Variants in RALY observed in about 807,000 individuals in gnomAD.
RALY encodes RALY heterogeneous nuclear ribonucleoprotein.
In RALY, 15 loss-of-function variants were observed where a neutral mutation model predicts 30.7. The ratio of observed to expected loss-of-function variants is 0.49; its 90% CI spans 0.33 to 0.75. The LOEUF is 0.75. Among genes scored for constraint, RALY ranks in the 30% least tolerant of loss-of-function variants. The pLI is 0.02. For missense variants in RALY, 339 were observed against 414.3 expected, an observed-to-expected ratio of 0.82 and a Z score of 1.58; for synonymous variants, 177 against 170.8, an observed-to-expected ratio of 1.04 and a Z score of -0.28.
chr20:34,042,194 G>A (rs1470745497), intron 2 of RALY, among the ~76,000 whole-genome samples: 1 of 152,154 alleles, frequency 6.6e-6, no homozygotes, highest in East Asian at 1.9e-4. Context: ...TAGTAGCTCA[G>A]CCTCCCCACT....
chr20:34,077,165 G>A lies in RALY; in HGVS notation c.796G>A (p.Ala266Thr), dbSNP rs753545335. The A allele has an allele frequency of 2.5e-6, 4 of 1,613,588 alleles. No individual in the cohort carries two copies. The highest frequency in any genetic ancestry group is 3.4e-6 in the Non-Finnish European group (4 of 1,179,944). Residue 266 changes from alanine (A) to threonine (T), a missense_variant, in exon 8 of 10, where the codon GCA becomes ACA. Ala to Thr is a moderately conservative substitution (Grantham distance 58, BLOSUM62 0). Transcript: ENST00000246194. ...CCCCCAAGAGAACACAACTTCTGAG[G>A]CAGGCCTGCCCCAGGGGGAAGCACG... ...PAPQENTTSE[A>T]GLPQGEARTR... is the part of the protein sequence containing the mutation.
chr20:34,069,328 C>G (rs962618209), intron 2 of RALY, among the ~76,000 whole-genome samples: 6 of 152,166 alleles, frequency 3.9e-5, no homozygotes, highest in African/African-American at 1.4e-4. Flanking sequence ...ACTGGCAGGG[C>G]CAAACCTTAA....
intron 1 of RALY, among the ~76,000 whole-genome samples, chr20:34,009,883 T>G (rs2031325057): frequency 6.6e-6 from 1 of 152,188 alleles, no homozygotes; most frequent in African/African-American, 2.4e-5. Context: ...CAATTCATTT[T>G]TGCTACCTGC....
In RALY at chr20:34,082,132, A is replaced by G. The variant is rs1601523231; in HGVS notation, c.*2227A>G. The G allele has an allele frequency of 6.6e-6, 1 of 152,342 alleles. No homozygotes were observed. The highest frequency in any genetic ancestry group is 1.5e-5 in the Non-Finnish European group (1 of 68,124). 9.4% of individuals were successfully genotyped at this position (152,342 alleles called of 1,614,324 possible). A position where few individuals can be genotyped will look rare whatever the true frequency, so the allele number is the denominator to read the frequency against. On this transcript the variant is annotated 3_prime_UTR_variant, in exon 10 of 10. Coordinates refer to ENST00000246194, the MANE Select transcript of RALY (RefSeq NM_016732.3). ...CTGCAAGGAGTGCCTCATCTCCCTG[A>G]AGAGCTCTCAGTGGAACATACTTCA...
chr20:34,076,904 T>A (rs2033896256), intron 7 of RALY, 89 bp downstream of exon 7: 7 of 1,587,032 alleles, frequency 4.4e-6, no homozygotes, highest in Non-Finnish European at 8.6e-7. Flanking sequence ...GGAGCTAGGG[T>A]GGCCCTGCAG....
intron 2 of RALY, among the ~76,000 whole-genome samples, chr20:34,055,411 C>G (rs374874803): frequency 3.3e-5 from 5 of 152,132 alleles, no homozygotes; most frequent in Non-Finnish European, 7.3e-5. Context: ...TGCAGCCTGC[C>G]GCTTTGTATC....
At position 34,072,326 on chromosome 20, in the gene RALY, C is replaced by T. The variant is rs1220248857; in HGVS notation, c.252C>T (p.Thr84=). Residue 84 remains threonine (T), a synonymous_variant, in exon 3 of 10, where the codon ACC becomes ACT. Coordinates refer to ENST00000246194, the MANE Select transcript of RALY (RefSeq NM_016732.3). ...GENGRVLAGQ[T]LDINMAGEPK... ...ATGGGCGGGTGCTGGCCGGGCAGAC[C>T]CTGGGTAAGCCTCTCTTCACTATAT... 1.2e-6 allele frequency: 2 copies of T among 1,610,980 alleles called. No homozygotes were observed. Among genetic ancestry groups the T allele is most frequent in the East Asian group, 2.2e-5 (1 of 44,864 alleles).
chr20:34,005,846 C>T (rs1444429598), intron 1 of RALY, among the ~76,000 whole-genome samples: 1 of 152,180 alleles, frequency 6.6e-6, no homozygotes, highest in African/African-American at 2.4e-5. Flanking sequence ...TGGAATCATA[C>T]AGTATGTAGC....
intron 7 of RALY, 26 bp from the exon 8 acceptor site, chr20:34,077,002 C>A (rs1402066376): frequency 1.9e-6 from 3 of 1,610,244 alleles, no homozygotes; most frequent in Non-Finnish European, 2.5e-6. Flanking sequence ...GTTTTATTCT[C>A]CCCTCCTCCA....
chr20:34,050,318 A>T (rs1393923938), intron 2 of RALY, among the ~76,000 whole-genome samples: 1 of 152,170 alleles, frequency 6.6e-6, no homozygotes, highest in African/African-American at 2.4e-5. Flanking sequence ...AATATAACCC[A>T]TGTGCCAGAG....
At chr20:33,998,734 A>T (rs2030760639) in intron 1 of RALY, among the ~76,000 whole-genome samples, 1 of 152,196 alleles carries the variant, frequency 6.6e-6, no homozygotes, top group Non-Finnish European at 1.5e-5. Flanking sequence ...CTGGAGAGCT[A>T]GAACACTGTG....
intron 2 of RALY, among the ~76,000 whole-genome samples, chr20:34,052,118 TC>T (rs2033098137): frequency 2.6e-5 from 4 of 152,182 alleles, no homozygotes; most frequent in Admixed American, 2.0e-4. Flanking sequence ...AATTGTGTCT[TC>T]CTCAGAAGAG....
intron 5 of RALY, 84 bp downstream of exon 5, chr20:34,073,950 C>T: frequency 6.8e-7 from 1 of 1,479,694 alleles, no homozygotes; most frequent in East Asian, 2.3e-5. Context: ...CCACTGAGTT[C>T]TCCAAATGAG....
At chr20:34,020,192 C>A (rs2031766965) in intron 1 of RALY, among the ~76,000 whole-genome samples, 1 of 152,188 alleles carries the variant, frequency 6.6e-6, no homozygotes, top group Non-Finnish European at 1.5e-5. Flanking sequence ...CACCGTAACA[C>A]ATGTAAGTGG....
At chr20:34,019,044 C>T (rs924507842) in intron 1 of RALY, among the ~76,000 whole-genome samples, 6 of 152,096 alleles carry the variant, frequency 3.9e-5, no homozygotes, top group African/African-American at 7.2e-5. Flanking sequence ...ATCCCTCGGC[C>T]GGGCGCAGTG....
chr20:34,038,041 G>C (rs1279092876), intron 2 of RALY, among the ~76,000 whole-genome samples: 1 of 152,222 alleles, frequency 6.6e-6, no homozygotes, highest in African/African-American at 2.4e-5. Flanking sequence ...TGGCTTGCTT[G>C]AGGATTGCTG....
chr20:34,059,177 A>G (rs1286763018), intron 2 of RALY, among the ~76,000 whole-genome samples: 1 of 152,148 alleles, frequency 6.6e-6, no homozygotes, highest in Non-Finnish European at 1.5e-5. Flanking sequence ...ATGTTGATGC[A>G]TATGCTGTCT....
In RALY at chr20:34,080,913, C is replaced by T. The variant is rs764222590; in HGVS notation, c.*1008C>T. The T allele has an allele frequency of 1.3e-5, 2 of 152,234 alleles. No homozygotes were observed. The highest frequency in any genetic ancestry group is 2.4e-5 in the African/African-American group (1 of 41,440). The allele number at this position is 152,234 out of a possible 1,614,324, so 9.4% of individuals were successfully genotyped here. ...GCAGGTTTGGTAGCAAGGAATAGAG[C>T]GTACTCCAGTGACAGCAATCAGTAG... is the stretch of plus-strand genomic sequence containing the variant. On this transcript the variant is annotated 3_prime_UTR_variant, in exon 10 of 10. Transcript: ENST00000246194.
intron 1 of RALY, chr20:34,017,327 A>G (rs2031646862): frequency 6.6e-6 from 1 of 152,242 alleles, no homozygotes; most frequent in Non-Finnish European, 1.5e-5. Flanking sequence ...GTCATATAGC[A>G]TAATCTCTAT....
Sources: allele counts gnomAD v4.1 joint callset (sites outside exome capture counted in the v4.1 genomes callset), GRCh38; gene constraint gnomAD v4.1.1; transcripts MANE v1.5; gene names NCBI Gene and HGNC (gene_info 2026-07-23, HGNC 2026-07-21).